The following TXNRD1 variants were observed in gnomAD, a reference collection of about 807,000 sequenced individuals.
The protein encoded by TXNRD1 is thioredoxin reductase 1, cytoplasmic.
In TXNRD1, 57 loss-of-function variants were observed where a neutral mutation model predicts 80.3. The ratio of observed to expected loss-of-function variants is 0.71; its 90% confidence interval spans 0.57 to 0.89. The LOEUF (loss-of-function observed/expected upper bound fraction) is 0.89, where lower values mean the gene tolerates loss of function less well. Ranked by LOEUF, TXNRD1 falls within the 40% of genes least tolerant of loss-of-function variation. TXNRD1 has a pLI of 0.00. For missense variants in TXNRD1, 730 were observed against 803.0 expected (o/e 0.91, Z 1.10); for synonymous variants, 291 against 285.2 (o/e 1.02, Z -0.20).
intron 15 of TXNRD1, 129 bp from the exon 16 acceptor site, chr12:104,339,010 C>G (rs2036237000): frequency 7.8e-7 from 1 of 1,285,900 alleles, no homozygotes; most frequent in African/African-American, 1.5e-5. Context: ...GCCACTGCGC[C>G]CGGCCAGTCT....
chr12:104,310,052 C>T (rs1472221664), intron 4 of TXNRD1: 72 of 1,535,366 alleles, frequency 4.7e-5, no homozygotes, highest in Non-Finnish European at 5.8e-5. Context: ...CTGCCTTTCA[C>T]CCCCTACATC....
At chr12:104,312,000 A>ATG (rs201782327) in intron 5 of TXNRD1, among the ~76,000 whole-genome samples, 1,481 of 42,040 alleles carry the variant, frequency 0.035, 39 homozygotes, top group Admixed American at 0.2. Flanking sequence ...ATATATATAT[A>ATG]TGTGTATATA....
chr12:104,252,420 A>G (rs1255451589), intron 2 of TXNRD1, among the ~76,000 whole-genome samples: 2 of 151,716 alleles, frequency 1.3e-5, no homozygotes, highest in Non-Finnish European at 2.9e-5. Flanking sequence ...TATCAGAGAG[A>G]AAAGGTCAGT....
chr12:104,265,267 A>AC (rs1555208873), intron 3 of TXNRD1: 379 of 1,526,888 alleles, frequency 2.5e-4, no homozygotes, highest in Middle Eastern at 4.6e-4. Context: ...AAAAAAAAAA[A>AC]AACTTCCTTT....
chr12:104,326,459 G>GA, intron 12 of TXNRD1, 36 bp downstream of exon 12: 1 of 810,588 alleles, frequency 1.2e-6, no homozygotes, highest in African/African-American at 2.0e-5. Context: ...ATATTTGTGG[G>GA]ATTTTTTTTT....
At chr12:104,257,692 A>G (rs1044234634) in intron 2 of TXNRD1, among the ~76,000 whole-genome samples, 4 of 152,168 alleles carry the variant, frequency 2.6e-5, no homozygotes, top group African/African-American at 9.7e-5. Flanking sequence ...TACAGACGTG[A>G]GCCACCGCAC....
chr12:104,282,299 G>A (rs2033895170), intron 3 of TXNRD1, among the ~76,000 whole-genome samples: 1 of 152,146 alleles, frequency 6.6e-6, no homozygotes, highest in Non-Finnish European at 1.5e-5. Flanking sequence ...CTGGTCTCAG[G>A]TTACAACAGG....
At chr12:104,272,563 G>C (rs550080472) in intron 3 of TXNRD1, among the ~76,000 whole-genome samples, 1 of 152,290 alleles carries the variant, frequency 6.6e-6, no homozygotes, top group Admixed American at 6.5e-5. Flanking sequence ...GGGAGGCCAA[G>C]GCGAGCAGAT....
intron 10 of TXNRD1, among the ~76,000 whole-genome samples, chr12:104,322,643 G>C (rs1477120628): frequency 6.6e-6 from 1 of 152,052 alleles, no homozygotes; most frequent in Admixed American, 6.5e-5. Context: ...GTGTCCCAAA[G>C]TGCTGAGATT....
At chr12:104,318,445 G>A (rs998197277) in intron 7 of TXNRD1, among the ~76,000 whole-genome samples, 7 of 152,182 alleles carry the variant, frequency 4.6e-5, no homozygotes, top group Non-Finnish European at 1.0e-4. Context: ...AAATAAGCAT[G>A]GCTGTATTTT....
intron 3 of TXNRD1, among the ~76,000 whole-genome samples, chr12:104,268,418 C>T (rs570146017): frequency 2.0e-3 from 310 of 151,350 alleles, no homozygotes; most frequent in African/African-American, 7.2e-3. Flanking sequence ...CCAGCTACTC[C>T]GGAGGGTGAG....
chr12:104,235,416 G>T (rs1281610712), intron 1 of TXNRD1, among the ~76,000 whole-genome samples: 1 of 152,190 alleles, frequency 6.6e-6, no homozygotes, highest in Non-Finnish European at 1.5e-5. Flanking sequence ...AGGAGGCAAG[G>T]AAGTTAGGCT....
At chr12:104,271,094 C>T (rs2135724628) in intron 3 of TXNRD1, among the ~76,000 whole-genome samples, 1 of 152,020 alleles carries the variant, frequency 6.6e-6, no homozygotes, top group South Asian at 2.1e-4. Flanking sequence ...TTTGTGTGAG[C>T]AACAAGCCTG....
At chr12:104,258,164 T>C in intron 3 of TXNRD1, 85 bp downstream of exon 3, 2 of 1,121,614 alleles carry the variant, frequency 1.8e-6, no homozygotes, top group Non-Finnish European at 2.6e-6. Context: ...TTTGTCTTCC[T>C]TGAGGTTTTT....
At chr12:104,273,423 T>C (rs2033696003) in intron 3 of TXNRD1, among the ~76,000 whole-genome samples, 1 of 152,046 alleles carries the variant, frequency 6.6e-6, no homozygotes, top group African/African-American at 2.4e-5. Flanking sequence ...TGAAACCCCG[T>C]CTGTAATAAA....
At chr12:104,311,198 T>C in intron 4 of TXNRD1, 92 bp from the exon 5 acceptor site, 4 of 1,384,278 alleles carry the variant, frequency 2.9e-6, no homozygotes, top group Non-Finnish European at 2.9e-6. Context: ...AAATTCCTTT[T>C]GTTTTTCTTT....
rs190733938 is a variant in TXNRD1, at chr12:104,246,842, C to A, written c.92-4685C>A. Among the ~76,000 whole-genome samples, 817 of 151,922 alleles carry A rather than the reference C, an allele frequency of 5.4e-3. 3 individuals are homozygous for A. Among genetic ancestry groups the A allele is most frequent in the Non-Finnish European group, 8.2e-3 (557 of 67,916 alleles). ...GGCCACATGATGGCTTTTTAAAAATCATAAATGATTCTGTATTTGTCTCTT... is the reference window on the plus strand; with the variant it reads ...GGCCACATGATGGCTTTTTAAAAATAATAAATGATTCTGTATTTGTCTCTT... On this transcript the variant is annotated intron_variant, in intron 1 of 16. Transcript: ENST00000525566.
chr12:104,278,501 A>ATT (rs34336501), intron 3 of TXNRD1, among the ~76,000 whole-genome samples: 37,618 of 104,998 alleles, frequency 0.36, 7,524 homozygotes, highest in East Asian at 0.81. Context: ...GCCCAGCCTA[A>ATT]TTTTTTTTTT....
At chr12:104,267,665 C>A (rs576610004) in intron 3 of TXNRD1, among the ~76,000 whole-genome samples, 4 of 32,890 alleles carry the variant, frequency 1.2e-4, no homozygotes, top group South Asian at 9.7e-4. Context: ...TTCTTTCTTT[C>A]TTTCTTTCTT....
Sources: gnomAD v4.1 joint callset for allele counts (sites outside exome capture counted in the v4.1 genomes callset) on GRCh38, gnomAD v4.1.1 for gene constraint, MANE v1.5 for transcripts, NCBI Gene and HGNC (gene_info 2026-07-23, HGNC 2026-07-21) for gene names.